The following TRIM36 variants were observed in gnomAD, a reference collection of about 807,000 sequenced individuals.
The protein encoded by TRIM36 is tripartite motif containing 36, also known as E3 ubiquitin-protein ligase TRIM36.
In TRIM36, 42 loss-of-function variants were observed where a neutral mutation model predicts 72.4. The ratio of observed to expected loss-of-function variants is 0.58; its 90% CI spans 0.45 to 0.75. TRIM36 has a LOEUF of 0.75. Ranked by LOEUF, TRIM36 falls within the 30% of genes least tolerant of loss-of-function variation. The pLI is 0.00. For missense variants in TRIM36, 913 were observed against 857.1 expected (o/e 1.07, Z -0.81); for synonymous variants, 315 against 282.8 (o/e 1.11, Z -1.14).
At chr5:115,128,699 C>T (rs576342989) in intron 9 of TRIM36, among the ~76,000 whole-genome samples, 40 of 125,228 alleles carry the variant, frequency 3.2e-4, no homozygotes, top group Admixed American at 2.2e-3. Context: ...TTGCAGTGAG[C>T]TGAGATTGCG....
At chr5:115,166,806 A>G (rs114095149) in intron 1 of TRIM36, among the ~76,000 whole-genome samples, 2,320 of 152,078 alleles carry the variant, frequency 0.015, 71 homozygotes, top group African/African-American at 0.053. Flanking sequence ...GGCATCTCCA[A>G]GTTTCTGGGT....
Position 115,147,183 on chromosome 5 carries a change from G to A in TRIM36, c.474C>T (p.Ser158=), listed in dbSNP as rs1753637968. 3 of 1,614,102 alleles carry A rather than the reference G, an allele frequency of 1.9e-6. No individual in the cohort carries two copies. Among genetic ancestry groups the A allele is most frequent in the East Asian group, 2.2e-5 (1 of 44,896 alleles). ...AGTAACTTGCACTACAGTCCATGCA[G>A]CTTTTTGTGGATTCTTGAGGTGGTG... is the stretch of plus-strand genomic sequence containing the variant. ...CKPPPQESTK[S]CMDCSASYCN... is the part of the protein sequence containing the mutation. Residue 158 remains serine, a synonymous_variant, in exon 3 of 10, where the codon AGC becomes AGT. Coordinates refer to ENST00000513154, the MANE Select transcript of TRIM36 (RefSeq NM_001300759.2).
chr5:115,132,299 C>T (rs1251873027), intron 8 of TRIM36, among the ~76,000 whole-genome samples: 9 of 151,430 alleles, frequency 5.9e-5, no homozygotes, highest in African/African-American at 1.7e-4. Flanking sequence ...TTTGGGAGGC[C>T]GAGGTGGGTG....
chr5:115,158,263 G>GA, intron 2 of TRIM36, among the ~76,000 whole-genome samples: 1 of 152,146 alleles, frequency 6.6e-6, no homozygotes, highest in Admixed American at 6.5e-5. Context: ...GCACCTTACA[G>GA]AATCTCTTCT....
intron 2 of TRIM36, among the ~76,000 whole-genome samples, chr5:115,150,973 G>A (rs1218908661): frequency 6.6e-6 from 1 of 152,246 alleles, no homozygotes; most frequent in East Asian, 1.9e-4. Flanking sequence ...AAGGCCACAG[G>A]GAGAAGGAAA....
chr5:115,143,407 G>C (rs904401413), intron 4 of TRIM36, among the ~76,000 whole-genome samples: 10 of 151,688 alleles, frequency 6.6e-5, no homozygotes, highest in African/African-American at 2.4e-4. Flanking sequence ...AAAGAAAATA[G>C]CATTTGTAGA....
chr5:115,136,294 T>TCACA (rs201411920), intron 7 of TRIM36, among the ~76,000 whole-genome samples: 3 of 3,530 alleles, frequency 8.5e-4, no homozygotes, highest in Non-Finnish European at 1.5e-3. Context: ...ATTAGATCTC[T>TCACA]CTCACACACA....
intron 2 of TRIM36, among the ~76,000 whole-genome samples, chr5:115,154,903 GGC>G (rs1258169129): frequency 6.6e-6 from 1 of 152,108 alleles, no homozygotes; most frequent in Non-Finnish European, 1.5e-5. Flanking sequence ...GACCAGGCTG[GGC>G]GTGGTGGCTC....
At chr5:115,139,545 C>T (rs914141285) in intron 5 of TRIM36, among the ~76,000 whole-genome samples, 1 of 152,190 alleles carries the variant, frequency 6.6e-6, no homozygotes, top group Non-Finnish European at 1.5e-5. Context: ...ACCCCGACAG[C>T]CACATATTTT....
chr5:115,179,945 G>C (rs1353808096), intron 1 of TRIM36: 3 of 1,610,482 alleles, frequency 1.9e-6, no homozygotes, highest in Non-Finnish European at 1.7e-6. Flanking sequence ...CGGGGGCCCA[G>C]GCCGCGGCGC....
intron 1 of TRIM36, 24 bp from the exon 2 acceptor site, chr5:115,163,776 T>A (rs766235172): frequency 8.2e-6 from 13 of 1,589,238 alleles, no homozygotes; most frequent in Non-Finnish European, 1.0e-5. Flanking sequence ...TAGTCCAAGT[T>A]AAAGGCTCTT....
At chr5:115,153,348 A>C (rs1753995724) in intron 2 of TRIM36, among the ~76,000 whole-genome samples, 1 of 152,050 alleles carries the variant, frequency 6.6e-6, no homozygotes, top group South Asian at 2.1e-4. Context: ...ACAATCCTAA[A>C]CATATATATA....
At chr5:115,140,181 T>G (rs1337020937) in intron 5 of TRIM36, among the ~76,000 whole-genome samples, 2 of 152,222 alleles carry the variant, frequency 1.3e-5, no homozygotes, top group African/African-American at 4.8e-5. Flanking sequence ...TCGTGATTTC[T>G]CAATAATTTC....
chr5:115,175,233 C>A (rs905529110), intron 1 of TRIM36, among the ~76,000 whole-genome samples: 1 of 151,984 alleles, frequency 6.6e-6, no homozygotes. Context: ...ACCTCCACTT[C>A]TTAATGATCA....
intron 3 of TRIM36, 91 bp from the exon 4 acceptor site, chr5:115,144,835 C>A: frequency 1.4e-6 from 2 of 1,398,908 alleles, no homozygotes; most frequent in Non-Finnish European, 1.9e-6. Context: ...CTTATAAAAT[C>A]ACTAAATAAA....
chr5:115,155,050 A>G (rs1208175029), intron 2 of TRIM36, among the ~76,000 whole-genome samples: 2 of 151,956 alleles, frequency 1.3e-5, no homozygotes, highest in Non-Finnish European at 2.9e-5. Flanking sequence ...TTAGCCGGGC[A>G]TGGTGGTGCA....
chr5:115,179,511 C>A (rs1318956067), intron 1 of TRIM36, among the ~76,000 whole-genome samples: 1 of 152,254 alleles, frequency 6.6e-6, no homozygotes, highest in African/African-American at 2.4e-5. Flanking sequence ...GCTCTGACTG[C>A]GGGCTGACCC....
chr5:115,173,875 A>G (rs1755226141), upstream of TRIM36, among the ~76,000 whole-genome samples: 1 of 152,186 alleles, frequency 6.6e-6, no homozygotes, highest in Non-Finnish European at 1.5e-5. Context: ...ACAGACCTTC[A>G]ATACTCTTGC....
In TRIM36 at chr5:115,169,875, G is replaced by C. The variant is rs1035352329; in HGVS notation, c.-241C>G. 5 of 1,304,616 alleles carry C rather than the reference G, an allele frequency of 3.8e-6. No individual in the cohort carries two copies. The highest frequency in any genetic ancestry group is 4.9e-6 in the Non-Finnish European group (5 of 1,025,942). The allele number at this position is 1,304,616 out of a possible 1,614,324, so 80.8% of individuals were successfully genotyped here. A position where few individuals can be genotyped will look rare whatever the true frequency, so the allele number is the denominator to read the frequency against. On this transcript the variant is annotated 5_prime_UTR_variant, in exon 1 of 10. Coordinates refer to ENST00000513154, the MANE Select transcript of TRIM36 (RefSeq NM_001300759.2). ...GCGACTACCCCGGGAATCCCGCCCA[G>C]CTGCCGGCTGCAGCAGCGGCTCCTG...
Sources: gnomAD v4.1 joint callset for allele counts (sites outside exome capture counted in the v4.1 genomes callset) on GRCh38, gnomAD v4.1.1 for gene constraint, MANE v1.5 for transcripts, NCBI Gene and HGNC (gene_info 2026-07-23, HGNC 2026-07-21) for gene names.